The following LOC400499 variants were observed in gnomAD, a reference collection of about 807,000 sequenced individuals.
At chr16:11,418,537 A>T in the LOC400499 span, among the ~76,000 whole-genome samples, 1 of 152,308 alleles carries the variant, frequency 6.6e-6, no homozygotes, top group East Asian at 1.9e-4. Context: ...ATATTGTCTA[A>T]AAAGGGGAGG....
the LOC400499 span, among the ~76,000 whole-genome samples, chr16:11,489,367 G>A: frequency 2.4e-4 from 36 of 152,268 alleles, no homozygotes; most frequent in Non-Finnish European, 3.7e-4. Context: ...AGGGCTTTTT[G>A]GGAAGATCAG....
chr16:11,431,887 T>C, the LOC400499 span, among the ~76,000 whole-genome samples: 1 of 152,154 alleles, frequency 6.6e-6, no homozygotes, highest in Non-Finnish European at 1.5e-5. Flanking sequence ...TACGTTTTGG[T>C]CAGTAGAATG....
chr16:11,506,810 G>C, the LOC400499 span, among the ~76,000 whole-genome samples: 1 of 152,212 alleles, frequency 6.6e-6, no homozygotes, highest in East Asian at 1.9e-4. Context: ...GAGGGGCAGA[G>C]GCATTTCAAG....
chr16:11,382,661 G>A, the LOC400499 span, among the ~76,000 whole-genome samples: 3 of 152,064 alleles, frequency 2.0e-5, no homozygotes, highest in Non-Finnish European at 4.4e-5. Flanking sequence ...AATCCCTGAT[G>A]AGGCTGGGCG....
At chr16:11,502,031 C>T in the LOC400499 span, 2 of 398,896 alleles carry the variant, frequency 5.0e-6, no homozygotes, top group Non-Finnish European at 8.8e-6. Context: ...CCAGGGATGC[C>T]CCCAGCCAGC....
chr16:11,520,207 G>A, the LOC400499 span, among the ~76,000 whole-genome samples: 1 of 152,166 alleles, frequency 6.6e-6, no homozygotes, highest in African/African-American at 2.4e-5. Flanking sequence ...TAATGCCACT[G>A]AATCATAGAC....
the LOC400499 span, chr16:11,424,439 G>A: frequency 2.9e-4 from 116 of 398,796 alleles, 1 homozygote; most frequent in East Asian, 4.0e-3. Context: ...CATGACGGGG[G>A]CCTGGCCAGC....
the LOC400499 span, chr16:11,391,780 T>C: frequency 8.1e-7 from 1 of 1,232,120 alleles, no homozygotes; most frequent in Non-Finnish European, 1.0e-6. Flanking sequence ...GCCCAACCAC[T>C]CGCCTGCATG....
chr16:11,398,121 T>A, the LOC400499 span, among the ~76,000 whole-genome samples: 32,191 of 152,112 alleles, frequency 0.21, 3,526 homozygotes, highest in East Asian at 0.31. Context: ...AGTCTCACCA[T>A]CACTCTACGT....
At chr16:11,490,318 C>T in the LOC400499 span, among the ~76,000 whole-genome samples, 1 of 151,378 alleles carries the variant, frequency 6.6e-6, no homozygotes, top group Non-Finnish European at 1.5e-5. Flanking sequence ...ATTGCCTGAA[C>T]CCAGAAGGCA....
chr16:11,461,262 C>G, the LOC400499 span: 1 of 1,011,972 alleles, frequency 9.9e-7, no homozygotes, highest in South Asian at 1.8e-5. Context: ...GCACCCTGCA[C>G]AACAGGCCAC....
the LOC400499 span, chr16:11,494,764 G>C: frequency 2.5e-6 from 1 of 399,192 alleles, no homozygotes; most frequent in Non-Finnish European, 4.4e-6. Context: ...GCAGTGGCTG[G>C]GGACAGAAAT....
the LOC400499 span, chr16:11,471,806 A>G: frequency 5.0e-6 from 2 of 399,088 alleles, no homozygotes; most frequent in East Asian, 7.1e-5. Context: ...CGCCAGCCCC[A>G]GGTGTAGGAC....
At chr16:11,379,303 T>C in the LOC400499 span, among the ~76,000 whole-genome samples, 10 of 152,230 alleles carry the variant, frequency 6.6e-5, no homozygotes, top group Non-Finnish European at 1.3e-4. Context: ...ACCTATCTGT[T>C]TCTCCTTTCA....
the LOC400499 span, among the ~76,000 whole-genome samples, chr16:11,511,583 A>C: frequency 6.6e-6 from 1 of 152,246 alleles, no homozygotes; most frequent in Non-Finnish European, 1.5e-5. Flanking sequence ...TGAAAAAGCT[A>C]GACACAAAAG....
chr16:11,392,618 T>G, the LOC400499 span: 1 of 460,816 alleles, frequency 2.2e-6, no homozygotes, highest in Non-Finnish European at 3.5e-6. Flanking sequence ...CCCTAGGATT[T>G]GAGAACCTTG....
the LOC400499 span, among the ~76,000 whole-genome samples, chr16:11,498,176 T>A: frequency 6.6e-6 from 1 of 152,138 alleles, no homozygotes; most frequent in Non-Finnish European, 1.5e-5. Context: ...GAACTTTTGT[T>A]CATTGAAAGA....
At chr16:11,476,639 T>C in the LOC400499 span, 1 of 376,076 alleles carries the variant, frequency 2.7e-6, no homozygotes, top group Non-Finnish European at 4.5e-6. Flanking sequence ...CCCATGCACA[T>C]CCCCTTGTGC....
the LOC400499 span, among the ~76,000 whole-genome samples, chr16:11,497,081 T>C: frequency 6.6e-6 from 1 of 152,062 alleles, no homozygotes; most frequent in Non-Finnish European, 1.5e-5. Flanking sequence ...TCCCTGTGTG[T>C]TTGTGTGTCC....
Sources: allele counts gnomAD v4.1 joint callset (sites outside exome capture counted in the v4.1 genomes callset), GRCh38; gene constraint gnomAD v4.1.1; transcripts MANE v1.5.